The following PTK2B variants were observed in gnomAD, a reference collection of about 807,000 sequenced individuals.
PTK2B encodes the protein protein tyrosine kinase 2 beta.
PTK2B carries 71 observed loss-of-function variants against 142.9 expected under a neutral mutation model. That is an observed-to-expected ratio of 0.50 (90% CI 0.41 to 0.61). The LOEUF (loss-of-function observed/expected upper bound fraction) is 0.61. Among genes scored for constraint, PTK2B ranks in the 20% least tolerant of loss-of-function variants. The pLI is 0.00. For missense variants in PTK2B, 1,105 were observed against 1,320.4 expected, an observed-to-expected ratio of 0.84 and a Z score of 2.53; for synonymous variants, 519 against 503.4, an observed-to-expected ratio of 1.03 and a Z score of -0.42.
At chr8:27,420,189 A>G (rs528315302) in intron 3 of PTK2B, 116 bp downstream of exon 3, 1 of 1,248,000 alleles carries the variant, frequency 8.0e-7, no homozygotes, top group East Asian at 2.5e-5. Context: ...AGCAAACCTG[A>G]GTGGCATTCT....
At chr8:27,425,295 G>A (rs1016517890) in intron 5 of PTK2B, among the ~76,000 whole-genome samples, 5 of 151,640 alleles carry the variant, frequency 3.3e-5, no homozygotes, top group African/African-American at 9.7e-5. Context: ...CAATAGTAAC[G>A]TAACAAACCT....
chr8:27,404,149 C>G (rs1384952271), intron 2 of PTK2B, among the ~76,000 whole-genome samples: 3 of 152,128 alleles, frequency 2.0e-5, no homozygotes, highest in Non-Finnish European at 4.4e-5. Flanking sequence ...TGGTCACCTT[C>G]GTCTAAGGCC....
chr8:27,415,229 A>G (rs998632503), intron 2 of PTK2B, among the ~76,000 whole-genome samples: 3 of 152,152 alleles, frequency 2.0e-5, no homozygotes, highest in Admixed American at 6.5e-5. Flanking sequence ...GAAGTTTAGT[A>G]TGTACCCAAG....
At chr8:27,313,869 A>C (rs374631220) in intron 3 of PTK2B, among the ~76,000 whole-genome samples, 3 of 152,306 alleles carry the variant, frequency 2.0e-5, no homozygotes, top group African/African-American at 7.2e-5. Flanking sequence ...ACATCAAGTA[A>C]CACTTTAGTG....
At chr8:27,397,815 ATCTG>A (rs1563251736) in intron 2 of PTK2B, 27 bp downstream of exon 2, 1 of 1,609,164 alleles carries the variant, frequency 6.2e-7, no homozygotes, top group South Asian at 1.1e-5. Context: ...TGCCCTGTCC[ATCTG>A]TCTGTCCCTC....
intron 1 of PTK2B, among the ~76,000 whole-genome samples, chr8:27,369,805 T>C (rs936812525): frequency 6.6e-6 from 1 of 151,946 alleles, no homozygotes; most frequent in Non-Finnish European, 1.5e-5. Flanking sequence ...CAAAACCCCC[T>C]CTCTACTAAA....
At chr8:27,433,955 A>G (rs1324969227) in intron 11 of PTK2B, 138 bp from the exon 12 acceptor site, 3 of 1,204,242 alleles carry the variant, frequency 2.5e-6, no homozygotes, top group Non-Finnish European at 3.7e-6. Flanking sequence ...AGGCCTCACT[A>G]GCTCCCAGGC....
chr8:27,436,347 A>G lies in PTK2B; in HGVS notation c.1340A>G (p.His447Arg). 6.2e-7 allele frequency: 1 copy of G among 1,610,204 alleles called. No individual in the cohort carries two copies. The highest frequency in any genetic ancestry group is 8.5e-7 in the Non-Finnish European group (1 of 1,176,424). ...GTCTATGAAGGTGTCTACACAAATCACGTGAGTTCTAGGATCTTCCCTTAC... is the reference window on the plus strand; with the variant it reads ...GTCTATGAAGGTGTCTACACAAATCGCGTGAGTTCTAGGATCTTCCCTTAC... ...GEVYEGVYTN[H>R]KGEKINVAVK... The change falls in exon 15 of 31, where the codon CAC becomes CGC. Residue 447 changes from histidine (H) to arginine (R), a missense_variant and splice_region_variant. By Grantham distance (29) the His-to-Arg change is conservative (BLOSUM62 0). Transcript: ENST00000346049.
At chr8:27,388,887 A>G (rs976886798) in intron 1 of PTK2B, among the ~76,000 whole-genome samples, 25 of 152,124 alleles carry the variant, frequency 1.6e-4, no homozygotes, top group African/African-American at 5.8e-4. Context: ...CTGCTTTTCC[A>G]TGGATGATGT....
intron 1 of PTK2B, among the ~76,000 whole-genome samples, chr8:27,387,446 T>A (rs1807436438): frequency 6.6e-6 from 1 of 152,178 alleles, no homozygotes; most frequent in African/African-American, 2.4e-5. Flanking sequence ...AGGAGTCAGA[T>A]CCATCTTTCA....
intron 2 of PTK2B, among the ~76,000 whole-genome samples, chr8:27,416,322 C>T (rs531296200): frequency 6.6e-6 from 1 of 152,126 alleles, no homozygotes; most frequent in East Asian, 1.9e-4. Context: ...GACATTGGTA[C>T]AGTATAGACA....
intron 20 of PTK2B, among the ~76,000 whole-genome samples, chr8:27,439,677 C>G (rs778411661): frequency 1.6e-4 from 25 of 151,990 alleles, no homozygotes; most frequent in African/African-American, 5.8e-4. Context: ...GAAACTAAGA[C>G]GAAACTCTGT....
At chr8:27,425,764 A>G (rs1027014749) in intron 5 of PTK2B, among the ~76,000 whole-genome samples, 2 of 152,210 alleles carry the variant, frequency 1.3e-5, no homozygotes, top group African/African-American at 4.8e-5. Flanking sequence ...AAATTTGTCC[A>G]TACTCCACCT....
chr8:27,311,116 G>T (rs1275245783), upstream of PTK2B: 2 of 1,600,780 alleles, frequency 1.2e-6, no homozygotes, highest in East Asian at 4.5e-5. Context: ...ACCCGCGGCA[G>T]AAGTTGTGGC....
At chr8:27,386,028 A>G (rs1807332053) in intron 1 of PTK2B, among the ~76,000 whole-genome samples, 1 of 152,226 alleles carries the variant, frequency 6.6e-6, no homozygotes, top group Non-Finnish European at 1.5e-5. Context: ...ACAATATTAT[A>G]ACTGATGTAA....
chr8:27,362,611 C>A lies in PTK2B; in HGVS notation c.-37-34937C>A, dbSNP rs566760173. 1.1e-3 allele frequency among the ~76,000 whole-genome samples: 172 copies of A among 151,698 alleles called. 4 individuals are homozygous for A. The South Asian group carries it at 0.022, about 20-fold the overall frequency. On this transcript the variant is annotated intron_variant, in intron 1 of 30. Transcript: ENST00000346049. ...ACCCCACCCCCACCTTCACCCTGAC[C>A]CCAGCAGTGTTTTCTTTCCCCCCAC...
chr8:27,436,230 C>G (rs1810768313), intron 14 of PTK2B, 21 bp from the exon 15 acceptor site: 1 of 1,612,386 alleles, frequency 6.2e-7, no homozygotes, highest in South Asian at 1.1e-5. Flanking sequence ...TGATCTGCGA[C>G]TGTTTTCTCT....
rs1049273625 is a variant in PTK2B at position 27,458,536 on chromosome 8, T to C, written c.*27T>C. 1 of 1,547,312 alleles carries C rather than the reference T, an allele frequency of 6.5e-7. No individual in the cohort carries two copies. The highest frequency in any genetic ancestry group is 1.2e-5 in the South Asian group (1 of 84,142). Reference sequence around the variant, plus strand: ...GGAGGGTGGGGGCCACCTGCCTGCGTCTTCCGCCCCTGCCTGCCATGTACC... The same window carrying C: ...GGAGGGTGGGGGCCACCTGCCTGCGCCTTCCGCCCCTGCCTGCCATGTACC... On this transcript the variant is annotated 3_prime_UTR_variant, in exon 31 of 31. Coordinates refer to ENST00000346049, the MANE Select transcript of PTK2B (RefSeq NM_173176.3).
At chr8:27,417,968 G>A (rs76740152) in intron 2 of PTK2B, among the ~76,000 whole-genome samples, 3,808 of 152,194 alleles carry the variant, frequency 0.025, 171 homozygotes, top group African/African-American at 0.087. Context: ...AGGAGAAATG[G>A]GTAGAGAGGA....
Sources: allele counts gnomAD v4.1 joint callset (sites outside exome capture counted in the v4.1 genomes callset), GRCh38; gene constraint gnomAD v4.1.1; transcripts MANE v1.5; gene names NCBI Gene and HGNC (gene_info 2026-07-23, HGNC 2026-07-21).